ALLC: variants seen among roughly 807,000 people sequenced by gnomAD.
ALLC encodes allantoicase.
Under a neutral mutation model 45.0 loss-of-function variants are expected in ALLC, and 40 were observed. That is an observed-to-expected ratio of 0.89 (90% CI 0.69 to 1.16). The LOEUF (loss-of-function observed/expected upper bound fraction) is 1.16, where lower values mean the gene tolerates loss of function less well. Ranked by LOEUF, ALLC falls within the 50% of genes most tolerant of loss-of-function variation. The probability of loss-of-function intolerance (pLI) is 0.00; values close to 1 mark genes in which losing one functional copy is unlikely to be tolerated. For missense variants in ALLC, 488 were observed against 493.1 expected (o/e 0.99, Z 0.10); for synonymous variants, 176 against 178.1 (o/e 0.99, Z 0.09).
chr2:3,649,044 G>C, the ALLC span, among the ~76,000 whole-genome samples: 2 of 152,138 alleles, frequency 1.3e-5, no homozygotes, highest in African/African-American at 2.4e-5. Flanking sequence ...AGGACAGTAC[G>C]TTCTCATGCA....
intron 1 of ALLC, among the ~76,000 whole-genome samples, chr2:3,660,595 A>C (rs1040180909): frequency 6.6e-6 from 1 of 152,092 alleles, no homozygotes; most frequent in South Asian, 2.1e-4. Context: ...GTGCCCTCAC[A>C]GATGGAGCAA....
rs570227528 is a variant in ALLC at position 3,671,383 on chromosome 2, A to G, written c.33+193A>G. ...TTGGTGACAATTCTCAGCAAGGACAATACTGCCTTAGATTTTGTGTGTTTC... is the reference window on the plus strand; with the variant it reads ...TTGGTGACAATTCTCAGCAAGGACAGTACTGCCTTAGATTTTGTGTGTTTC... On this transcript the variant is annotated intron_variant, in intron 2 of 11. Transcript: ENST00000252505. Among the ~76,000 whole-genome samples, 34 of 152,390 alleles carry G rather than the reference A, an allele frequency of 2.2e-4. No individual in the cohort carries two copies. The South Asian group carries it at 2.9e-3, about 13-fold the overall frequency.
chr2:3,664,572 T>A (rs988008078), intron 1 of ALLC, among the ~76,000 whole-genome samples: 18 of 151,166 alleles, frequency 1.2e-4, no homozygotes, highest in Admixed American at 8.5e-4. Context: ...CAAGTTAAAT[T>A]CATTTCTGCC....
chr2:3,651,275 C>A, the ALLC span, among the ~76,000 whole-genome samples: 2 of 111,540 alleles, frequency 1.8e-5, no homozygotes, highest in Non-Finnish European at 3.5e-5. Flanking sequence ...CTCAGGCCGC[C>A]GATGCTTGCG....
chr2:3,671,219 G>A (rs1359383440), intron 2 of ALLC, 29 bp downstream of exon 2: 4 of 1,604,176 alleles, frequency 2.5e-6, no homozygotes, highest in Non-Finnish European at 3.4e-6. Flanking sequence ...GCCAAACAAG[G>A]GTTGAAGGCA....
chr2:3,656,772 T>A (rs759721464), upstream of ALLC, among the ~76,000 whole-genome samples: 74 of 140,144 alleles, frequency 5.3e-4, no homozygotes, highest in Non-Finnish European at 7.3e-4. Context: ...AGGAGCCAGC[T>A]CGGTGTGGAG....
Position 3,679,263 on chromosome 2 carries a change from G to A in ALLC, c.173-606G>A, listed in dbSNP as rs958610342. Among the ~76,000 whole-genome samples the A allele has an allele frequency of 3.3e-5, 5 of 152,302 alleles. No homozygotes were observed. In the South Asian group the frequency reaches 1.0e-3, roughly 32 times the overall value. On this transcript the variant is annotated intron_variant, in intron 4 of 11. Coordinates refer to ENST00000252505, the MANE Select transcript of ALLC (RefSeq NM_018436.4). ...GACATTTTAAGGTGAGTTAATATCT[G>A]GCAGTAAATAACCAAGAACTCAATA...
chr2:3,690,163 T>C (rs1485818361), intron 7 of ALLC, among the ~76,000 whole-genome samples: 1 of 147,218 alleles, frequency 6.8e-6, no homozygotes, highest in Non-Finnish European at 1.5e-5. Context: ...ATACCTTTTA[T>C]TTGGAACATT....
At chr2:3,655,250 C>T (rs1666414768), upstream of ALLC, among the ~76,000 whole-genome samples, 1 of 152,354 alleles carries the variant, frequency 6.6e-6, no homozygotes, top group South Asian at 2.1e-4. Context: ...ACACCCATCA[C>T]CTTTGCTGTG....
rs561864863 is a variant in ALLC at position 3,678,479 on chromosome 2, G to A, written c.96G>A (p.Pro32=). The A allele has an allele frequency of 2.0e-5, 33 of 1,613,844 alleles. No homozygotes were observed. The highest frequency in any genetic ancestry group is 1.6e-4 in the African/African-American group (12 of 75,058). Residue 32 remains proline, a synonymous_variant, in exon 4 of 12, where the codon CCG becomes CCA. Coordinates refer to ENST00000252505, the MANE Select transcript of ALLC (RefSeq NM_018436.4). ...PAENLIKSDS[P]CFKEHEYTEF... is the part of the protein sequence containing the mutation. ...GGTCTTTGCCCTAGAGTGACAGCCC[G>A]TGCTTCAAAGAGCATGAATATACGG...
chr2:3,702,428 C>T lies in ALLC; in HGVS notation c.1041C>T (p.His347=), dbSNP rs763067976. 2.2e-5 allele frequency: 36 copies of T among 1,613,150 alleles called. No individual in the cohort carries two copies. The highest frequency in any genetic ancestry group is 2.9e-5 in the Non-Finnish European group (34 of 1,179,804). ...LTLELQDVIT[H]ARLTIVPDGG... ...TAGAGCTCCAAGATGTCATCACTCA[C>T]GCCAGGCTCACCATCGTCCCCGACG... The change falls in exon 12 of 12, where the codon CAC becomes CAT. Residue 347 remains histidine, a synonymous_variant. Coordinates refer to ENST00000252505, the MANE Select transcript of ALLC (RefSeq NM_018436.4).
intron 7 of ALLC, among the ~76,000 whole-genome samples, chr2:3,690,654 T>C (rs190853449): frequency 1.9e-3 from 281 of 150,544 alleles, no homozygotes; most frequent in African/African-American, 6.6e-3. Flanking sequence ...AAGAAAAAAA[T>C]AGAAATAAAC....
At chr2:3,681,875 G>A (rs186934422) in intron 6 of ALLC, among the ~76,000 whole-genome samples, 162 bp downstream of exon 6, 1 of 145,384 alleles carries the variant, frequency 6.9e-6, no homozygotes, top group African/African-American at 2.6e-5. Flanking sequence ...CGTCTCAGTG[G>A]TTCATCAACC....
At chr2:3,658,577 AT>A (rs1666496536) in intron 1 of ALLC, among the ~76,000 whole-genome samples, 1 of 151,550 alleles carries the variant, frequency 6.6e-6, no homozygotes, top group South Asian at 2.1e-4. Context: ...TTAAAAAAAA[AT>A]CTAAAGAGGC....
intron 3 of ALLC, among the ~76,000 whole-genome samples, chr2:3,675,611 CAT>C (rs1192155760): frequency 2.6e-5 from 4 of 152,032 alleles, no homozygotes; most frequent in African/African-American, 9.7e-5. Context: ...CACACACACA[CAT>C]ATAAACACTT....
rs184760231 is a variant in ALLC, at chr2:3,687,555, C to G, written c.511+4481C>G. On this transcript the variant is annotated intron_variant, in intron 7 of 11. Coordinates refer to ENST00000252505, the MANE Select transcript of ALLC (RefSeq NM_018436.4). The stretch of plus-strand genomic sequence containing the variant: ...TGTTTGGTAGAATTCAGCAGGGAAG[C>G]CATTAGGTCCTGGAATTTTCTTTAA... Among the ~76,000 whole-genome samples, 28 of 150,836 alleles carry G rather than the reference C, an allele frequency of 1.9e-4. 2 individuals carry two copies. Among genetic ancestry groups the G allele is most frequent in the Admixed American group, 1.5e-3 (22 of 15,096 alleles).
At chr2:3,659,405 GA>G (rs1168544472) in intron 1 of ALLC, among the ~76,000 whole-genome samples, 2 of 152,196 alleles carry the variant, frequency 1.3e-5, no homozygotes, top group African/African-American at 2.4e-5. Context: ...CATTTGCGGT[GA>G]TTAAGTTGAA....
At chr2:3,656,357 A>C (rs954845787), upstream of ALLC, among the ~76,000 whole-genome samples, 2 of 152,186 alleles carry the variant, frequency 1.3e-5, no homozygotes, top group Non-Finnish European at 2.9e-5. Context: ...CCTCTCTGCC[A>C]GCTCTTGTTC....
chr2:3,650,891 A>G, the ALLC span, among the ~76,000 whole-genome samples: 2 of 152,228 alleles, frequency 1.3e-5, no homozygotes, highest in Non-Finnish European at 2.9e-5. Context: ...CTTTAAAGCA[A>G]ACGTGAGGGG....
Sources: allele counts gnomAD v4.1 joint callset (sites outside exome capture counted in the v4.1 genomes callset), GRCh38; gene constraint gnomAD v4.1.1; transcripts MANE v1.5; gene names NCBI Gene and HGNC (gene_info 2026-07-23, HGNC 2026-07-21).